STARD13: variants seen among roughly 807,000 people sequenced by gnomAD.
The protein encoded by STARD13 is stAR-related lipid transfer protein 13.
In STARD13, 62 loss-of-function variants were observed where a neutral mutation model predicts 106.4. That is an observed-to-expected ratio of 0.58 (90% CI 0.48 to 0.72). The LOEUF is 0.72. Among genes scored for constraint, STARD13 ranks in the 30% least tolerant of loss-of-function variants. The pLI is 0.00. For synonymous variants in STARD13, 565 were observed against 553.0 expected, an observed-to-expected ratio of 1.02 and a Z score of -0.31; for missense variants, 1,387 against 1,424.0, an observed-to-expected ratio of 0.97 and a Z score of 0.42.
At chr13:33,662,103 A>G in the STARD13 span, among the ~76,000 whole-genome samples, 3 of 151,978 alleles carry the variant, frequency 2.0e-5, no homozygotes, top group Non-Finnish European at 4.4e-5. Flanking sequence ...TCTACTAAAA[A>G]TACAAAAAAT....
the STARD13 span, among the ~76,000 whole-genome samples, chr13:33,375,043 A>G: frequency 6.6e-6 from 1 of 152,202 alleles, no homozygotes; most frequent in Non-Finnish European, 1.5e-5. Context: ...GTTTGTATGA[A>G]TTTCAGAATT....
the STARD13 span, among the ~76,000 whole-genome samples, chr13:33,491,691 A>G: frequency 3.9e-5 from 6 of 152,334 alleles, no homozygotes; most frequent in East Asian, 1.2e-3. Context: ...TAAATAATAA[A>G]ATGGAAATCT....
the STARD13 span, among the ~76,000 whole-genome samples, chr13:33,364,880 C>T: frequency 1.3e-5 from 2 of 149,208 alleles, no homozygotes; most frequent in Non-Finnish European, 3.0e-5. Flanking sequence ...CAGAGCGAGA[C>T]TCCGTCTCAA....
At chr13:33,216,034 A>T (rs1888019844) in intron 1 of STARD13, among the ~76,000 whole-genome samples, 1 of 152,162 alleles carries the variant, frequency 6.6e-6, no homozygotes, top group African/African-American at 2.4e-5. Context: ...CTCTTGCAAG[A>T]ATGGCCATAA....
chr13:33,524,648 C>G, the STARD13 span, among the ~76,000 whole-genome samples: 1 of 151,812 alleles, frequency 6.6e-6, no homozygotes, highest in African/African-American at 2.4e-5. Context: ...AATTATAGAA[C>G]TATATTGGCA....
the STARD13 span, among the ~76,000 whole-genome samples, chr13:33,460,401 G>C: frequency 0.028 from 4,252 of 151,444 alleles, 196 homozygotes; most frequent in African/African-American, 0.096. Context: ...TGAGGCAGGA[G>C]AACCGCTTGA....
chr13:33,499,761 C>CTTTTT, the STARD13 span, among the ~76,000 whole-genome samples: 4 of 94,578 alleles, frequency 4.2e-5, no homozygotes, highest in Admixed American at 1.2e-4. Context: ...CTTCTTCTTT[C>CTTTTT]TTTTTTTTTT....
At chr13:33,546,480 C>G in the STARD13 span, among the ~76,000 whole-genome samples, 3 of 152,086 alleles carry the variant, frequency 2.0e-5, no homozygotes, top group Non-Finnish European at 4.4e-5. Context: ...TCTCTGTAGC[C>G]TTTATACTGC....
chr13:33,396,406 GAA>G, the STARD13 span, among the ~76,000 whole-genome samples: 330 of 145,894 alleles, frequency 2.3e-3, no homozygotes, highest in African/African-American at 9.1e-3. Context: ...TATTTTCAAA[GAA>G]GGACTTCCAT....
At chr13:33,179,138 G>C (rs1884989349) in intron 1 of STARD13, among the ~76,000 whole-genome samples, 1 of 152,146 alleles carries the variant, frequency 6.6e-6, no homozygotes, top group Non-Finnish European at 1.5e-5. Context: ...CATATACTTA[G>C]TTTTACAGAT....
intron 1 of STARD13, among the ~76,000 whole-genome samples, chr13:33,202,228 T>A (rs1413977952): frequency 6.6e-6 from 1 of 152,244 alleles, no homozygotes; most frequent in Non-Finnish European, 1.5e-5. Flanking sequence ...TTAGTAGGAT[T>A]CAGATAGGAC....
At chr13:33,520,059 TG>T in the STARD13 span, 9 of 152,150 alleles carry the variant, frequency 5.9e-5, no homozygotes, top group African/African-American at 2.2e-4. Flanking sequence ...GGCACAGGTG[TG>T]GGCTGCCCAG....
intron 1 of STARD13, among the ~76,000 whole-genome samples, chr13:33,334,771 A>G (rs1413447089): frequency 6.6e-6 from 1 of 152,206 alleles, no homozygotes; most frequent in African/African-American, 2.4e-5. Flanking sequence ...GCCATTTCCA[A>G]TAACTGATGG....
intron 1 of STARD13, among the ~76,000 whole-genome samples, chr13:33,253,193 T>G (rs1048080262): frequency 1.3e-5 from 2 of 152,190 alleles, no homozygotes; most frequent in Admixed American, 1.3e-4. Flanking sequence ...CTTAAGGCAA[T>G]GACTATGGAC....
chr13:33,432,879 T>G, the STARD13 span, among the ~76,000 whole-genome samples: 1 of 152,186 alleles, frequency 6.6e-6, no homozygotes, highest in African/African-American at 2.4e-5. Context: ...TACTATAGAA[T>G]CTAAAAAAAT....
intron 1 of STARD13, among the ~76,000 whole-genome samples, chr13:33,309,856 T>C (rs4306386): frequency 0.29 from 44,286 of 152,136 alleles, 7,108 homozygotes; most frequent in East Asian, 0.69. Context: ...GGATTGGGGA[T>C]GGGGAAAATA....
chr13:33,188,743 T>C (rs1223436895), intron 1 of STARD13, among the ~76,000 whole-genome samples: 1 of 152,216 alleles, frequency 6.6e-6, no homozygotes, highest in Non-Finnish European at 1.5e-5. Context: ...CAGTTTGGAG[T>C]GATCTAGACT....
At chr13:33,668,185 G>C in the STARD13 span, among the ~76,000 whole-genome samples, 1 of 152,174 alleles carries the variant, frequency 6.6e-6, no homozygotes, top group African/African-American at 2.4e-5. Flanking sequence ...TAATTCGGCT[G>C]AAGTTTTTCT....
At chr13:33,284,193 T>C (rs1891941585) in intron 1 of STARD13, among the ~76,000 whole-genome samples, 1 of 152,210 alleles carries the variant, frequency 6.6e-6, no homozygotes, top group Non-Finnish European at 1.5e-5. Flanking sequence ...ATAATATCCT[T>C]CCTGAAATCA....
Sources: allele counts gnomAD v4.1 joint callset (sites outside exome capture counted in the v4.1 genomes callset), GRCh38; gene constraint gnomAD v4.1.1; transcripts MANE v1.5; gene names NCBI Gene and HGNC (gene_info 2026-07-23, HGNC 2026-07-21).